TNRC6C: variants seen among roughly 807,000 people sequenced by gnomAD.
The protein encoded by TNRC6C is trinucleotide repeat containing adaptor 6C, also known as trinucleotide repeat-containing gene 6C protein.
A neutral mutation model predicts 153.7 loss-of-function variants in TNRC6C; 20 were observed. That is an observed-to-expected ratio of 0.13 (90% CI 0.09 to 0.19). The LOEUF is 0.19. TNRC6C is among the 10% of genes least tolerant of loss of function. The pLI, the probability that TNRC6C is intolerant of heterozygous loss-of-function variation, is 1.00. For missense variants in TNRC6C, 1,987 were observed against 2,172.0 expected (o/e 0.91, Z 1.69); for synonymous variants, 811 against 841.4 (o/e 0.96, Z 0.63).
upstream of TNRC6C, among the ~76,000 whole-genome samples, chr17:78,002,280 G>T (rs546863962): frequency 6.6e-6 from 1 of 152,074 alleles, no homozygotes; most frequent in South Asian, 2.1e-4. Flanking sequence ...TACCAGAAAT[G>T]CCCTGAAGAG....
Position 78,079,756 on chromosome 17 carries a change from C to A in TNRC6C, c.3357+215C>A, listed in dbSNP as rs534790538. 6.6e-6 allele frequency among the ~76,000 whole-genome samples: 1 copy of A among 152,250 alleles called. No individual in the cohort carries two copies. The highest frequency in any genetic ancestry group is 2.4e-5 in the African/African-American group (1 of 41,534). On this transcript the variant is annotated intron_variant, in intron 10 of 19. Transcript: ENST00000301624. The surrounding 1 kb of genome is among the most constrained non-coding windows in gnomAD (Gnocchi z 4.3). ...CAGGAGACATTTTCAGAGCTTGCTC[C>A]TTGGAATGCCTCAGCCACCGAAACT...
upstream of TNRC6C, chr17:78,004,027 G>A: frequency 1.8e-6 from 2 of 1,089,488 alleles, no homozygotes; most frequent in Non-Finnish European, 2.3e-6. Context: ...TTAGGGAAGT[G>A]TCCCTTTCTA....
intron 16 of TNRC6C, among the ~76,000 whole-genome samples, chr17:78,095,168 A>T (rs1446728287): frequency 6.6e-6 from 1 of 152,248 alleles, no homozygotes; most frequent in African/African-American, 2.4e-5. Context: ...TGGTGCCCAG[A>T]TGAAGCATCA....
intron 1 of TNRC6C, among the ~76,000 whole-genome samples, chr17:77,994,067 C>T (rs535456375): frequency 7.4e-4 from 113 of 152,172 alleles, no homozygotes; most frequent in African/African-American, 2.6e-3. Context: ...GTGGTGCATG[C>T]CTGTAATCCC....
chr17:78,004,327 A>C (rs1007173591), upstream of TNRC6C: 3 of 1,231,456 alleles, frequency 2.4e-6, no homozygotes, highest in East Asian at 3.2e-5. Flanking sequence ...CATTTGCATC[A>C]TCATAGCCAT....
chr17:78,083,619 T>C (rs996707641), intron 11 of TNRC6C, among the ~76,000 whole-genome samples: 3 of 152,232 alleles, frequency 2.0e-5, no homozygotes, highest in Non-Finnish European at 4.4e-5. Flanking sequence ...AAAAATCATT[T>C]GAGTGACTAT....
chr17:78,021,932 A>G (rs748671965), intron 1 of TNRC6C, among the ~76,000 whole-genome samples: 17 of 152,226 alleles, frequency 1.1e-4, no homozygotes, highest in Non-Finnish European at 2.2e-4. Flanking sequence ...GGGATATATT[A>G]CCAGGATTTT....
chr17:78,065,067 G>C, intron 4 of TNRC6C, 130 bp downstream of exon 6: 1 of 1,128,152 alleles, frequency 8.9e-7, no homozygotes, highest in Non-Finnish European at 1.3e-6. Context: ...CAAGAGTCTT[G>C]GCCAAGCACA....
chr17:78,103,544 C>G, exon 19 of TNRC6C: 1 of 1,613,986 alleles, frequency 6.2e-7, no homozygotes. Flanking sequence ...GCCCAGAAGT[C>G]TCTGCACATG....
chr17:77,982,698 G>T (rs1031080299), intron 1 of TNRC6C, among the ~76,000 whole-genome samples: 1 of 152,118 alleles, frequency 6.6e-6, no homozygotes, highest in Non-Finnish European at 1.5e-5. Flanking sequence ...GGGTGTGGTG[G>T]CCCATGCCCA....
At chr17:78,067,780 T>A in exon 5 of TNRC6C, 1 of 1,611,292 alleles carries the variant, frequency 6.2e-7, no homozygotes, top group East Asian at 2.2e-5. Context: ...GCAAGAAGGC[T>A]GGGGCAGTGG....
chr17:78,097,851 T>C, intron 16 of TNRC6C: 1 of 1,546,832 alleles, frequency 6.5e-7, no homozygotes, highest in Non-Finnish European at 8.7e-7. Flanking sequence ...CATCCGCACC[T>C]AGTGTTGCAG....
chr17:78,098,265 G>A (rs1280146911), intron 16 of TNRC6C, 78 bp from the exon 20 acceptor site: 2 of 1,391,888 alleles, frequency 1.4e-6, no homozygotes, highest in Non-Finnish European at 1.9e-6. Context: ...AGAGCACTCT[G>A]TGTGGCTCCC....
intron 3 of TNRC6C, 99 bp from the exon 6 acceptor site, chr17:78,064,623 A>T: frequency 1.7e-6 from 2 of 1,155,100 alleles, no homozygotes; most frequent in Non-Finnish European, 2.5e-6. Context: ...CTAAGGATAG[A>T]TTATCTTGAA....
intron 13 of TNRC6C, among the ~76,000 whole-genome samples, chr17:78,089,863 G>A (rs1380195253): frequency 6.6e-6 from 1 of 152,180 alleles, no homozygotes; most frequent in Non-Finnish European, 1.5e-5. Flanking sequence ...AGAAGAAAGA[G>A]GCCTGGCTTG....
intron 1 of TNRC6C, among the ~76,000 whole-genome samples, chr17:78,028,102 G>GT (rs1016721138): frequency 6.6e-6 from 1 of 152,090 alleles, no homozygotes. Context: ...GTTTCACCGT[G>GT]TTAGTCAGGA....
intron 4 of TNRC6C, among the ~76,000 whole-genome samples, chr17:78,065,783 C>T (rs1443958706): frequency 6.6e-6 from 1 of 152,084 alleles, no homozygotes; most frequent in Non-Finnish European, 1.5e-5. Flanking sequence ...CATTTTCCTC[C>T]CATTTTCTGA....
upstream of TNRC6C, among the ~76,000 whole-genome samples, chr17:78,002,713 C>T (rs1444779781): frequency 6.6e-6 from 1 of 152,118 alleles, no homozygotes; most frequent in Non-Finnish European, 1.5e-5. Context: ...GACAACATAG[C>T]ACGCCATCTC....
intron 1 of TNRC6C, among the ~76,000 whole-genome samples, chr17:77,973,166 A>G (rs2070953660): frequency 1.3e-5 from 2 of 152,182 alleles, no homozygotes; most frequent in South Asian, 4.1e-4. Flanking sequence ...CTTGACTCCT[A>G]AAGTGCTGGG....
Sources: allele counts gnomAD v4.1 joint callset (sites outside exome capture counted in the v4.1 genomes callset), GRCh38; gene constraint gnomAD v4.1.1; non-coding constraint Gnocchi (gnomAD v3.1); transcripts MANE v1.5; gene names NCBI Gene and HGNC (gene_info 2026-07-23, HGNC 2026-07-21).